The following LAMA2 variants were observed in gnomAD, a reference collection of about 807,000 sequenced individuals.
LAMA2 encodes laminin subunit alpha-2.
Under a neutral mutation model 364.8 loss-of-function variants are expected in LAMA2, and 269 were observed. The ratio of observed to expected loss-of-function variants is 0.74; its 90% confidence interval spans 0.67 to 0.82. The LOEUF is 0.82. Among genes scored for constraint, LAMA2 ranks in the 40% least tolerant of loss-of-function variants. LAMA2 has a pLI of 0.00. For missense variants in LAMA2, 3,807 were observed against 3,873.2 expected (o/e 0.98, Z 0.45); for synonymous variants, 1,379 against 1,370.6 (o/e 1.01, Z -0.14).
intron 34 of LAMA2, among the ~76,000 whole-genome samples, chr6:129,372,978 T>G (rs1360906070): frequency 6.6e-6 from 1 of 152,184 alleles, no homozygotes; most frequent in Non-Finnish European, 1.5e-5. Flanking sequence ...CTTTTTCCAT[T>G]TTTTCATTGG....
chr6:128,887,943 G>A (rs751967458), intron 1 of LAMA2, among the ~76,000 whole-genome samples: 1 of 152,106 alleles, frequency 6.6e-6, no homozygotes, highest in South Asian at 2.1e-4. Flanking sequence ...TTGCAGTAGG[G>A]CCTTATTTAG....
intron 12 of LAMA2, among the ~76,000 whole-genome samples, chr6:129,214,544 C>G (rs1349765134): frequency 6.6e-6 from 1 of 152,140 alleles, no homozygotes; most frequent in Non-Finnish European, 1.5e-5. Flanking sequence ...ACTTTCCTTT[C>G]TTCATTGAAT....
At chr6:128,910,637 C>T (rs1292523678) in intron 1 of LAMA2, among the ~76,000 whole-genome samples, 1 of 152,220 alleles carries the variant, frequency 6.6e-6, no homozygotes, top group African/African-American at 2.4e-5. Context: ...TCTCTCAGCT[C>T]GTCAAAGTCG....
chr6:129,393,230 A>C lies in LAMA2; in HGVS notation c.5420A>C (p.Asn1807Thr), dbSNP rs1370935052. Residue 1807 changes from asparagine to threonine, a missense_variant, in exon 37 of 65, where the codon AAT becomes ACT. Asn to Thr is a moderately conservative substitution (Grantham distance 65). Coordinates refer to ENST00000421865, the MANE Select transcript of LAMA2 (RefSeq NM_000426.4). ...GAAGCTAATCGCCTATTTGCAGTAA[A>C]TCAGAAAAACATGACTGCATTGGAG... is the stretch of plus-strand genomic sequence containing the variant. Reference protein sequence around the residue: ...IREANRLFAVNQKNMTALEKK... With the variant: ...IREANRLFAVTQKNMTALEKK... 1 of 1,613,926 alleles carries C rather than the reference A, an allele frequency of 6.2e-7. No individual in the cohort carries two copies. The highest frequency in any genetic ancestry group is 8.5e-7 in the Non-Finnish European group (1 of 1,179,830).
At chr6:129,072,933 CTTTT>C (rs969435735) in intron 3 of LAMA2, among the ~76,000 whole-genome samples, 8 of 152,150 alleles carry the variant, frequency 5.3e-5, no homozygotes, top group Middle Eastern at 3.4e-3. Flanking sequence ...ACACCTTTAA[CTTTT>C]TTGTTTATTT....
chr6:129,224,965 G>T (rs1420526048), intron 12 of LAMA2, among the ~76,000 whole-genome samples: 1 of 152,038 alleles, frequency 6.6e-6, no homozygotes, highest in East Asian at 1.9e-4. Flanking sequence ...TCTGGTCCTG[G>T]ACTTTTTTTG....
intron 12 of LAMA2, among the ~76,000 whole-genome samples, chr6:129,220,178 G>T (rs1783728788): frequency 6.6e-6 from 1 of 151,994 alleles, no homozygotes; most frequent in Non-Finnish European, 1.5e-5. Flanking sequence ...CAACTAAGTT[G>T]GCTTTCAGAT....
rs563829353 is a variant in LAMA2, at chr6:129,344,191, A to G, written c.4436+1724A>G. ...AGAATTGAGTATAATGAATTGAAAC[A>G]GGCAAATGAGAAAAGCATAGAGACC... is the stretch of plus-strand genomic sequence containing the variant. On this transcript the variant is annotated intron_variant, in intron 30 of 64. Coordinates refer to ENST00000421865, the MANE Select transcript of LAMA2 (RefSeq NM_000426.4). Among the ~76,000 whole-genome samples, 39 of 152,354 alleles carry G rather than the reference A, an allele frequency of 2.6e-4. 1 individual carries two copies. In the South Asian group the frequency reaches 6.6e-3, roughly 26 times the overall value.
At chr6:129,349,497 A>G in intron 31 of LAMA2, 113 bp downstream of exon 31, 1 of 891,770 alleles carries the variant, frequency 1.1e-6, no homozygotes, top group East Asian at 2.5e-5. Flanking sequence ...CATATCCTTT[A>G]GAAGTTTAAA....
chr6:129,144,732 A>G (rs1182343364), intron 5 of LAMA2, among the ~76,000 whole-genome samples: 1 of 152,020 alleles, frequency 6.6e-6, no homozygotes, highest in East Asian at 1.9e-4. Context: ...ATGCAGTGCT[A>G]TAGGAGAAAA....
At chr6:129,185,112 T>C (rs1264038602) in intron 10 of LAMA2, among the ~76,000 whole-genome samples, 1 of 151,786 alleles carries the variant, frequency 6.6e-6, no homozygotes, top group Non-Finnish European at 1.5e-5. Context: ...CTGAAGCAAT[T>C]ATCACACAAA....
intron 40 of LAMA2, among the ~76,000 whole-genome samples, chr6:129,424,966 A>G (rs552785512): frequency 6.6e-6 from 1 of 151,132 alleles, no homozygotes; most frequent in Non-Finnish European, 1.5e-5. Context: ...ATATGGATAC[A>G]CACACAACAT....
chr6:129,432,555 G>A (rs956667118), intron 41 of LAMA2, among the ~76,000 whole-genome samples: 1 of 152,098 alleles, frequency 6.6e-6, no homozygotes, highest in Non-Finnish European at 1.5e-5. Flanking sequence ...ATTCTATGGC[G>A]TTTTTTGCAA....
At chr6:129,224,684 C>CAT (rs1478101233) in intron 12 of LAMA2, among the ~76,000 whole-genome samples, 1 of 152,062 alleles carries the variant, frequency 6.6e-6, no homozygotes, top group East Asian at 1.9e-4. Flanking sequence ...TGGATGAAGC[C>CAT]CACTTGATCG....
intron 1 of LAMA2, among the ~76,000 whole-genome samples, chr6:128,911,378 C>G (rs542878237): frequency 1.3e-5 from 2 of 152,130 alleles, no homozygotes; most frequent in African/African-American, 2.4e-5. Context: ...GCGCAGTATT[C>G]GGGTGGGAGT....
intron 1 of LAMA2, among the ~76,000 whole-genome samples, chr6:128,911,245 G>A (rs148114197): frequency 0.032 from 4,842 of 152,198 alleles, 111 homozygotes; most frequent in Non-Finnish European, 0.047. Flanking sequence ...CCTCGCTGCC[G>A]CCTTGCAGTT....
At chr6:129,017,094 T>G (rs1236624702) in intron 1 of LAMA2, among the ~76,000 whole-genome samples, 2 of 151,982 alleles carry the variant, frequency 1.3e-5, no homozygotes, top group East Asian at 1.9e-4. Flanking sequence ...GAACTACATT[T>G]AAATGCATTT....
At chr6:129,030,850 C>G (rs938088989) in intron 1 of LAMA2, among the ~76,000 whole-genome samples, 6 of 152,004 alleles carry the variant, frequency 3.9e-5, no homozygotes, top group Non-Finnish European at 4.4e-5. Context: ...ATGTCAGTGA[C>G]TCTAATTGTC....
intron 35 of LAMA2, among the ~76,000 whole-genome samples, chr6:129,386,429 T>C (rs1779021170): frequency 1.3e-5 from 2 of 152,088 alleles, no homozygotes; most frequent in South Asian, 2.1e-4. Context: ...GATGCTTCCT[T>C]TCCTTTTTTG....
Sources: gnomAD v4.1 joint callset for allele counts (sites outside exome capture counted in the v4.1 genomes callset) on GRCh38, gnomAD v4.1.1 for gene constraint, MANE v1.5 for transcripts, NCBI Gene and HGNC (gene_info 2026-07-23, HGNC 2026-07-21) for gene names.